The following WDFY4 variants were observed in gnomAD, a reference collection of about 807,000 sequenced individuals.
WDFY4 encodes WDFY family member 4.
WDFY4 carries 169 observed loss-of-function variants against 351.9 expected under a neutral mutation model. The ratio of observed to expected loss-of-function variants is 0.48; its 90% CI spans 0.42 to 0.55. The LOEUF (loss-of-function observed/expected upper bound fraction) is 0.55. WDFY4 is among the 20% of genes least tolerant of loss of function. The pLI is 0.00. For missense variants in WDFY4, 3,803 were observed against 3,935.6 expected (o/e 0.97, Z 0.90); for synonymous variants, 1,622 against 1,574.6 (o/e 1.03, Z -0.71).
intron 44 of WDFY4, among the ~76,000 whole-genome samples, chr10:48,895,440 C>T (rs1347786351): frequency 6.6e-6 from 1 of 152,196 alleles, no homozygotes; most frequent in Non-Finnish European, 1.5e-5. Flanking sequence ...CCTTTGTAGC[C>T]CTTGGCTCTC....
rs1280084362 is a variant in WDFY4 at position 48,830,770 on chromosome 10, G to A, written c.6411G>A (p.Leu2137=). 1.3e-6 allele frequency: 2 copies of A among 1,551,598 alleles called. No individual in the cohort carries two copies. Among genetic ancestry groups the A allele is most frequent in the African/African-American group, 1.4e-5 (1 of 73,036 alleles). ...TGGTGGCACAAAGGCAGCAGACCCT[G>A]GAGGATGCCTTCAAGATCGATCTCT... ...QQLVAQRQQT[L]EDAFKIDLSV... Residue 2137 remains leucine, a synonymous_variant, in exon 38 of 62, where the codon CTG becomes CTA. Coordinates refer to ENST00000325239, the MANE Select transcript of WDFY4 (RefSeq NM_001394531.1).
At chr10:48,800,613 G>A (rs1387939252) in intron 24 of WDFY4, among the ~76,000 whole-genome samples, 1 of 152,152 alleles carries the variant, frequency 6.6e-6, no homozygotes, top group African/African-American at 2.4e-5. Flanking sequence ...GGGTTGGACA[G>A]AAAGTTGAGA....
chr10:48,792,637 T>TA (rs1425286980), intron 23 of WDFY4, among the ~76,000 whole-genome samples: 3 of 152,226 alleles, frequency 2.0e-5, no homozygotes, highest in African/African-American at 7.2e-5. Context: ...TGACAATTTC[T>TA]AAAAAGGCAC....
chr10:48,956,987 G>A (rs1357571676), intron 51 of WDFY4, 142 bp from the exon 52 acceptor site: 5 of 1,122,486 alleles, frequency 4.5e-6, no homozygotes, highest in Non-Finnish European at 6.2e-6. Context: ...ACACATCTGG[G>A]CTGATGGGTA....
chr10:48,772,364 T>C (rs1444223720), intron 13 of WDFY4, among the ~76,000 whole-genome samples: 2 of 151,992 alleles, frequency 1.3e-5, no homozygotes, highest in African/African-American at 2.4e-5. Flanking sequence ...TGTGTGGATG[T>C]GTGTGTGGAC....
At chr10:48,941,914 C>A (rs1190802455) in intron 48 of WDFY4, 66 bp downstream of exon 48, 7 of 1,458,370 alleles carry the variant, frequency 4.8e-6, no homozygotes, top group East Asian at 4.9e-5. Flanking sequence ...CAGGCCCCAG[C>A]GATGGAGAGG....
chr10:48,789,238 A>G (rs907637854), intron 21 of WDFY4, among the ~76,000 whole-genome samples: 12 of 152,164 alleles, frequency 7.9e-5, no homozygotes, highest in Admixed American at 4.6e-4. Context: ...CAACAAGGAG[A>G]TATGTTTGTA....
At chr10:48,694,370 C>T (rs1003581337) in intron 1 of WDFY4, among the ~76,000 whole-genome samples, 5 of 152,150 alleles carry the variant, frequency 3.3e-5, no homozygotes, top group African/African-American at 1.2e-4. Context: ...TCTTTCTCCT[C>T]TTTTCTCTAA....
intron 32 of WDFY4, among the ~76,000 whole-genome samples, chr10:48,818,459 G>A (rs1431089085): frequency 6.6e-6 from 1 of 152,146 alleles, no homozygotes; most frequent in Non-Finnish European, 1.5e-5. Flanking sequence ...TGATGAAGGT[G>A]GTGTCTGAGA....
At chr10:48,772,619 A>T (rs2065904273) in intron 13 of WDFY4, among the ~76,000 whole-genome samples, 1 of 139,192 alleles carries the variant, frequency 7.2e-6, no homozygotes, top group African/African-American at 2.8e-5. Context: ...ATATGTATAC[A>T]TGTGCCATGC....
intron 54 of WDFY4, 73 bp downstream of exon 54, chr10:48,964,127 G>A (rs1341112683): frequency 2.0e-6 from 3 of 1,483,574 alleles, no homozygotes; most frequent in Non-Finnish European, 2.8e-6. Context: ...CTCTCCTGGG[G>A]TGAAAGTGAA....
chr10:48,847,383 G>C (rs1020403423), intron 39 of WDFY4, among the ~76,000 whole-genome samples: 1 of 152,098 alleles, frequency 6.6e-6, no homozygotes, highest in Non-Finnish European at 1.5e-5. Flanking sequence ...ATATGAATTG[G>C]GGGGAACATG....
At chr10:48,902,978 C>T (rs905891951) in intron 47 of WDFY4, among the ~76,000 whole-genome samples, 2 of 152,024 alleles carry the variant, frequency 1.3e-5, no homozygotes, top group African/African-American at 2.4e-5. Context: ...AGCATGATGG[C>T]AGGTGCCTGT....
Position 48,709,806 on chromosome 10 carries a change from C to T in WDFY4, c.74C>T (p.Ala25Val). Residue 25 changes from alanine (A) to valine (V), a missense_variant, in exon 2 of 62, where the codon GCT (alanine) becomes GTT (valine). Ala to Val is a moderately conservative substitution (Grantham distance 64). This residue lies in a region of WDFY4 where 488 missense variants were observed against 456.8 expected (regional missense o/e 1.07). Coordinates refer to ENST00000325239, the MANE Select transcript of WDFY4 (RefSeq NM_001394531.1). Reference sequence around the variant, plus strand: ...GGTTCCAAAAATGAAGGGCAGCTTGCTGCTGTGCAGCCTGATGTCCCACAT... The same window carrying T: ...GGTTCCAAAAATGAAGGGCAGCTTGTTGCTGTGCAGCCTGATGTCCCACAT... Reference protein sequence around the residue: ...DPGSKNEGQLAAVQPDVPHGG... With the variant: ...DPGSKNEGQLVAVQPDVPHGG... 1.9e-6 allele frequency: 3 copies of T among 1,551,934 alleles called. No individual in the cohort carries two copies. The highest frequency in any genetic ancestry group is 2.6e-6 in the Non-Finnish European group (3 of 1,147,032).
intron 47 of WDFY4, chr10:48,909,459 A>G (rs1399369649): frequency 6.6e-6 from 1 of 151,846 alleles, no homozygotes; most frequent in East Asian, 1.9e-4. Context: ...GCATTGCTGT[A>G]AAGGAATACT....
At position 48,709,738 on chromosome 10, in the gene WDFY4, G is replaced by A; in HGVS notation, c.6G>A (p.Glu2=). The change falls in exon 2 of 62, where the codon GAG becomes GAA. Residue 2 remains glutamate (E), a synonymous_variant. Transcript: ENST00000325239. M[E]AEDLSKAEDR... is the part of the protein sequence containing the mutation. ...CAGATCTGCTTTGCCACGGCATGGA[G>A]GCAGAAGATCTTTCAAAGGCTGAAG... The A allele has an allele frequency of 6.4e-7, 1 of 1,552,028 alleles. No homozygotes were observed. Among genetic ancestry groups the A allele is most frequent in the Non-Finnish European group, 8.7e-7 (1 of 1,147,084 alleles).
intron 1 of WDFY4, among the ~76,000 whole-genome samples, chr10:48,704,308 C>T (rs185793224): frequency 6.6e-6 from 1 of 152,296 alleles, no homozygotes; most frequent in East Asian, 1.9e-4. Context: ...CCCCCTCTGC[C>T]TCGTGGCTGT....
At chr10:48,878,305 G>A (rs560771348) in intron 43 of WDFY4, among the ~76,000 whole-genome samples, 6 of 152,258 alleles carry the variant, frequency 3.9e-5, no homozygotes, top group South Asian at 2.1e-4. Context: ...GAGAGCTGGA[G>A]GCTAGTCTGG....
intron 13 of WDFY4, among the ~76,000 whole-genome samples, chr10:48,770,305 C>T (rs1319260696): frequency 6.6e-6 from 1 of 152,100 alleles, no homozygotes; most frequent in African/African-American, 2.4e-5. Context: ...TTTAAGTATT[C>T]CTGCTATGTT....
Sources: allele counts gnomAD v4.1 joint callset (sites outside exome capture counted in the v4.1 genomes callset), GRCh38; gene constraint gnomAD v4.1.1; regional missense constraint gnomAD v4.1.1; transcripts MANE v1.5; gene names NCBI Gene and HGNC (gene_info 2026-07-23, HGNC 2026-07-21).